The following ABTB2 variants were observed in gnomAD, a reference collection of about 807,000 sequenced individuals.
ABTB2 encodes ankyrin repeat and BTB/POZ domain-containing protein 2.
ABTB2 carries 56 observed loss-of-function variants against 104.1 expected under a neutral mutation model. The ratio of observed to expected loss-of-function variants is 0.54; its 90% CI spans 0.43 to 0.67. ABTB2 has a LOEUF of 0.67. Among genes scored for constraint, ABTB2 ranks in the 30% least tolerant of loss-of-function variants. ABTB2 has a pLI of 0.00. For missense variants in ABTB2, 1,279 were observed against 1,407.7 expected (o/e 0.91, Z 1.46); for synonymous variants, 606 against 608.2 (o/e 1.00, Z 0.05).
intron 1 of ABTB2, among the ~76,000 whole-genome samples, chr11:34,232,366 C>G (rs1853779752): frequency 6.7e-6 from 1 of 148,892 alleles, no homozygotes; most frequent in South Asian, 2.1e-4. Context: ...ATGAGAAGCA[C>G]TTGAACCTGG....
At chr11:34,306,982 T>TAAAAAAAAAA (rs61161318) in intron 1 of ABTB2, among the ~76,000 whole-genome samples, 1 of 94,540 alleles carries the variant, frequency 1.1e-5, no homozygotes, top group Non-Finnish European at 2.2e-5. Context: ...TCAGGAAACT[T>TAAAAAAAAAA]AAAAAAAAAA....
chr11:34,169,064 C>T (rs1273502883), intron 5 of ABTB2, among the ~76,000 whole-genome samples: 1 of 152,194 alleles, frequency 6.6e-6, no homozygotes, highest in African/African-American at 2.4e-5. Context: ...TCTATAAATA[C>T]TAAGGTTTAG....
intron 9 of ABTB2, 115 bp downstream of exon 9, chr11:34,164,571 G>T: frequency 7.9e-7 from 1 of 1,268,554 alleles, no homozygotes; most frequent in African/African-American, 1.6e-5. Context: ...CAGGCCCCCT[G>T]TTTTGGGAAA....
chr11:34,348,108 A>G (rs938780327), intron 1 of ABTB2, among the ~76,000 whole-genome samples: 1 of 152,226 alleles, frequency 6.6e-6, no homozygotes, highest in Non-Finnish European at 1.5e-5. Flanking sequence ...GGTTGATAGA[A>G]GCCTTGTTCT....
At chr11:34,159,470 C>T (rs1037337308) in intron 13 of ABTB2, 84 bp from the exon 14 acceptor site, 64 of 880,352 alleles carry the variant, frequency 7.3e-5, no homozygotes, top group African/African-American at 2.5e-4. Context: ...GTCACCTGAC[C>T]GGCTACCACA....
chr11:34,159,034 T>TG (rs1008467188), intron 14 of ABTB2, among the ~76,000 whole-genome samples: 27 of 152,196 alleles, frequency 1.8e-4, no homozygotes, highest in African/African-American at 6.3e-4. Context: ...TATCTGTCCT[T>TG]GCACGTCTGT....
At chr11:34,234,952 G>T (rs2755141) in intron 1 of ABTB2, among the ~76,000 whole-genome samples, 147,814 of 152,312 alleles carry the variant, frequency 0.97, 71,752 homozygotes, top group East Asian at 1. Flanking sequence ...CTGCCTCCTG[G>T]GTTCACGCCA....
At chr11:34,270,094 G>C (rs569566084) in intron 1 of ABTB2, among the ~76,000 whole-genome samples, 1 of 152,126 alleles carries the variant, frequency 6.6e-6, no homozygotes, top group South Asian at 2.1e-4. Context: ...CTTCATGCAC[G>C]GATGCACAAC....
intron 2 of ABTB2, among the ~76,000 whole-genome samples, chr11:34,200,815 A>T (rs1853327044): frequency 6.6e-6 from 1 of 152,138 alleles, no homozygotes; most frequent in South Asian, 2.1e-4. Flanking sequence ...CTGCTTCCCA[A>T]ACGCATGCTC....
intron 1 of ABTB2, among the ~76,000 whole-genome samples, chr11:34,269,440 G>A (rs886284034): frequency 6.6e-5 from 10 of 152,160 alleles, no homozygotes; most frequent in African/African-American, 2.4e-4. Context: ...AAGAAGGGAG[G>A]GGATTCAGCC....
chr11:34,164,610 A>G (rs905153805), intron 9 of ABTB2, 76 bp downstream of exon 9: 4 of 1,377,820 alleles, frequency 2.9e-6, no homozygotes, highest in East Asian at 6.1e-5. Flanking sequence ...TTTTGCTCCC[A>G]TCGGGGAAAC....
At chr11:34,261,544 T>C (rs1349983623) in intron 1 of ABTB2, among the ~76,000 whole-genome samples, 1 of 151,746 alleles carries the variant, frequency 6.6e-6, no homozygotes, top group Non-Finnish European at 1.5e-5. Flanking sequence ...AAGGGGGTGA[T>C]AACAAGGATT....
chr11:34,206,180 A>G lies in ABTB2; in HGVS notation c.884-1490T>C, dbSNP rs184579634. Among the ~76,000 whole-genome samples, 133 of 152,158 alleles carry G rather than the reference A, an allele frequency of 8.7e-4. No individual in the cohort carries two copies. In the South Asian group the frequency reaches 0.015, roughly 17 times the overall value. ...TTTGAGACCAGCCTGGCCAACACGG[A>G]GAAACCCCATCTCTATTAAAAATAC... On this transcript the variant is annotated intron_variant, in intron 1 of 16. Transcript: ENST00000435224.
intron 1 of ABTB2, among the ~76,000 whole-genome samples, chr11:34,235,480 G>A (rs911218128): frequency 1.3e-5 from 2 of 152,160 alleles, no homozygotes; most frequent in African/African-American, 4.8e-5. Context: ...GGCTCTCTCT[G>A]TTATCCTCAG....
chr11:34,167,003 A>C (rs1052525152), intron 7 of ABTB2, among the ~76,000 whole-genome samples: 11 of 152,202 alleles, frequency 7.2e-5, no homozygotes, highest in African/African-American at 2.7e-4. Flanking sequence ...AGATGCCGGG[A>C]GGGCATGACA....
intron 3 of ABTB2, among the ~76,000 whole-genome samples, chr11:34,188,336 C>G (rs1344859768): frequency 1.3e-5 from 2 of 152,110 alleles, no homozygotes; most frequent in African/African-American, 2.4e-5. Context: ...CAGGGCAGAC[C>G]GAGGGCACTT....
At position 34,314,182 on chromosome 11, in the gene ABTB2, C is replaced by T. The variant is rs571563054; in HGVS notation, c.883+42519G>A. On this transcript the variant is annotated intron_variant, in intron 1 of 16. Coordinates refer to ENST00000435224, the MANE Select transcript of ABTB2 (RefSeq NM_145804.3). ...CTGATATCCAGCACCCCAAAACCCT[C>T]GAGGGTCATGTGGAAGGCTGGATAG... 3.9e-5 allele frequency among the ~76,000 whole-genome samples: 6 copies of T among 152,274 alleles called. No individual in the cohort carries two copies. In the East Asian group the frequency reaches 7.7e-4, roughly 20 times the overall value.
chr11:34,277,531 C>T (rs1267199179), intron 1 of ABTB2, among the ~76,000 whole-genome samples: 4 of 151,214 alleles, frequency 2.6e-5, no homozygotes, highest in Non-Finnish European at 4.4e-5. Flanking sequence ...TGCCTGTAAT[C>T]CTAGCACTTT....
chr11:34,186,358 C>A (rs1853099041), intron 3 of ABTB2, among the ~76,000 whole-genome samples: 1 of 152,242 alleles, frequency 6.6e-6, no homozygotes, highest in Non-Finnish European at 1.5e-5. Flanking sequence ...TGAGAGCACG[C>A]CAGGAACCAG....
Sources: allele counts gnomAD v4.1 joint callset (sites outside exome capture counted in the v4.1 genomes callset), GRCh38; gene constraint gnomAD v4.1.1; transcripts MANE v1.5; gene names NCBI Gene and HGNC (gene_info 2026-07-23, HGNC 2026-07-21).